The following FBXL18 variants were observed in gnomAD, a reference collection of about 807,000 sequenced individuals.
The protein encoded by FBXL18 is F-box and leucine rich repeat protein 18, also known as F-box/LRR-repeat protein 18.
Under a neutral mutation model 46.0 loss-of-function variants are expected in FBXL18, and 36 were observed. That is an observed-to-expected ratio of 0.78 (90% CI 0.60 to 1.03). The LOEUF is 1.03. Ranked by LOEUF, FBXL18 falls within the 50% of genes least tolerant of loss-of-function variation. The pLI is 0.00. For missense variants in FBXL18, 977 were observed against 1,004.1 expected (o/e 0.97, Z 0.36); for synonymous variants, 557 against 465.3 (o/e 1.20, Z -2.54).
chr7:5,479,789 G>A lies in FBXL18; in HGVS notation c.*1986C>T. The A allele has an allele frequency of 6.6e-6, 1 of 152,574 alleles. No individual in the cohort carries two copies. The highest frequency in any genetic ancestry group is 1.5e-5 in the Non-Finnish European group (1 of 68,246). The allele number at this position is 152,574 out of a possible 1,614,324, so 9.5% of individuals were successfully genotyped here. On this transcript the variant is annotated 3_prime_UTR_variant, in exon 5 of 5. Coordinates refer to ENST00000382368, the MANE Select transcript of FBXL18 (RefSeq NM_024963.6). The stretch of plus-strand genomic sequence containing the variant: ...ATCAGCCTGCAGAAGGGTCCCTCTG[G>A]CCAGGAGGCAAAGGTTCTGCACTGG...
At chr7:5,459,272 G>A (rs1030413061) in intron 4 of FBXL18, among the ~76,000 whole-genome samples, 1 of 152,132 alleles carries the variant, frequency 6.6e-6, no homozygotes, top group African/African-American at 2.4e-5. Flanking sequence ...CAGGGCCCTG[G>A]CCTTGGCTCA....
Position 5,482,502 on chromosome 7 carries a change from C to G in FBXL18, c.2001-571G>C, listed in dbSNP as rs577458594. 2.6e-3 allele frequency among the ~76,000 whole-genome samples: 394 copies of G among 151,296 alleles called. 3 individuals carry two copies. Among genetic ancestry groups the G allele is most frequent in the African/African-American group, 9.0e-3 (369 of 41,218 alleles). On this transcript the variant is annotated intron_variant, in intron 4 of 4. Transcript: ENST00000382368. ...CAAATGGCAGGTAGGCGACCCCCCC[C>G]CAATGCCCCCACCCCCAGGCGACCA...
chr7:5,471,526 TCGGCCTCC>T (rs1783427267), downstream of FBXL18, among the ~76,000 whole-genome samples: 1 of 152,152 alleles, frequency 6.6e-6, no homozygotes, highest in African/African-American at 2.4e-5. Context: ...TCCGCCTGCC[TCGGCCTCC>T]CAAAGTGCTG....
rs755702078 is a variant in FBXL18 at position 5,500,958 on chromosome 7, G to A, written c.1311C>T (p.Ala437=). The A allele has an allele frequency of 6.5e-7, 1 of 1,536,950 alleles. No homozygotes were observed. Among genetic ancestry groups the A allele is most frequent in the Non-Finnish European group, 8.7e-7 (1 of 1,147,026 alleles). ...DSAPRADRAP[A]QPAMHAVPRG... is the part of the protein sequence containing the mutation. Reference sequence around the variant, plus strand: ...GCGGCACTGCGTGCATGGCCGGCTGGGCGGGCGCGCGGTCGGCGCGCGGCG... The same window carrying A: ...GCGGCACTGCGTGCATGGCCGGCTGAGCGGGCGCGCGGTCGGCGCGCGGCG... Residue 437 remains alanine, a synonymous_variant, in exon 3 of 5, where the codon GCC becomes GCT. Coordinates refer to ENST00000382368, the MANE Select transcript of FBXL18 (RefSeq NM_024963.6).
At chr7:5,474,695 TTTA>T (rs1158066827), downstream of FBXL18, among the ~76,000 whole-genome samples, 1 of 144,514 alleles carries the variant, frequency 6.9e-6, no homozygotes, top group African/African-American at 2.5e-5. Context: ...TTTTTATTTA[TTTA>T]TTTATTTATT....
downstream of FBXL18, among the ~76,000 whole-genome samples, chr7:5,474,451 A>C (rs1217737400): frequency 1.3e-5 from 2 of 150,274 alleles, no homozygotes; most frequent in Admixed American, 6.7e-5. Context: ...AGCTGGGACC[A>C]CAGACAGGTG....
At chr7:5,500,074 T>TA (rs1194451523) in intron 3 of FBXL18, among the ~76,000 whole-genome samples, 4 of 118,268 alleles carry the variant, frequency 3.4e-5, no homozygotes, top group Non-Finnish European at 6.7e-5. Context: ...CAAAAATAAA[T>TA]AAATAAATAA....
chr7:5,507,136 G>A (rs1487945574), intron 1 of FBXL18, among the ~76,000 whole-genome samples: 2 of 152,140 alleles, frequency 1.3e-5, no homozygotes, highest in Non-Finnish European at 2.9e-5. Context: ...GTGTCTACAC[G>A]ACCCTCTGGC....
intron 4 of FBXL18, among the ~76,000 whole-genome samples, chr7:5,486,578 G>C (rs1444466672): frequency 6.6e-6 from 1 of 151,984 alleles, no homozygotes; most frequent in African/African-American, 2.4e-5. Flanking sequence ...ACTTGAGTCT[G>C]GGAGGTCAAG....
intron 1 of FBXL18, among the ~76,000 whole-genome samples, chr7:5,512,495 A>AC (rs1479254154): frequency 6.6e-6 from 1 of 151,936 alleles, no homozygotes; most frequent in Admixed American, 6.6e-5. Context: ...CACACGTGTA[A>AC]CCCCAGCTAC....
Position 5,500,576 on chromosome 7 carries a change from G to A in FBXL18, c.1693C>T (p.Leu565=). Residue 565 remains leucine (L), a synonymous_variant, in exon 3 of 5, where the codon CTG becomes TTG. Coordinates refer to ENST00000382368, the MANE Select transcript of FBXL18 (RefSeq NM_024963.6). The stretch of plus-strand genomic sequence containing the variant: ...TTCCCCATCATGCCCAGGTTGGCCA[G>A]CGACAGGGACCGCAACTGCTGGCAC... ...LQCQQLRSLS[L]ANLGMMGKVV... The A allele has an allele frequency of 6.2e-7, 1 of 1,613,586 alleles. No homozygotes were observed. The highest frequency in any genetic ancestry group is 1.1e-5 in the South Asian group (1 of 91,086).
At chr7:5,469,209 C>T (rs943435588) in intron 4 of FBXL18, among the ~76,000 whole-genome samples, 2 of 152,174 alleles carry the variant, frequency 1.3e-5, no homozygotes, top group East Asian at 1.9e-4. Context: ...GTCAGGAGTT[C>T]GAGACCAGAC....
intron 4 of FBXL18, among the ~76,000 whole-genome samples, chr7:5,462,969 A>AT (rs1554316051): frequency 3.8e-4 from 6 of 15,682 alleles, no homozygotes; most frequent in East Asian, 2.0e-3. Context: ...AAAAAAAAAA[A>AT]ATATATATAT....
chr7:5,495,686 G>A (rs762815646), intron 3 of FBXL18: 82 of 343,428 alleles, frequency 2.4e-4, no homozygotes, highest in Non-Finnish European at 3.8e-4. Flanking sequence ...TCGGAGCATC[G>A]TGCCAGCCTC....
chr7:5,493,690 T>C (rs1018070490), intron 3 of FBXL18, among the ~76,000 whole-genome samples: 30 of 150,944 alleles, frequency 2.0e-4, no homozygotes, highest in South Asian at 4.2e-4. Flanking sequence ...CGTGCGTGTG[T>C]GTGTGTGGAG....
At chr7:5,485,405 A>G (rs984776803) in intron 4 of FBXL18, among the ~76,000 whole-genome samples, 4 of 152,196 alleles carry the variant, frequency 2.6e-5, no homozygotes, top group Admixed American at 2.6e-4. Context: ...ATCCTCCTAT[A>G]GTTCCTCAAT....
intron 1 of FBXL18, among the ~76,000 whole-genome samples, chr7:5,506,384 G>A (rs1015087506): frequency 6.6e-6 from 1 of 151,866 alleles, no homozygotes; most frequent in African/African-American, 2.4e-5. Flanking sequence ...AAGTACGTGG[G>A]ATTACAGGCG....
At chr7:5,468,051 C>T (rs1489460210) in intron 4 of FBXL18, among the ~76,000 whole-genome samples, 3 of 150,930 alleles carry the variant, frequency 2.0e-5, no homozygotes, top group African/African-American at 7.3e-5. Flanking sequence ...GGCACGATCT[C>T]GGCTCACTGC....
chr7:5,472,148 C>G (rs562996035), downstream of FBXL18, among the ~76,000 whole-genome samples: 1 of 152,266 alleles, frequency 6.6e-6, no homozygotes, highest in African/African-American at 2.4e-5. Flanking sequence ...CAAGTTCCCC[C>G]AGACCTGGGC....
Sources: gnomAD v4.1 joint callset for allele counts (sites outside exome capture counted in the v4.1 genomes callset) on GRCh38, gnomAD v4.1.1 for gene constraint, MANE v1.5 for transcripts, NCBI Gene and HGNC (gene_info 2026-07-23, HGNC 2026-07-21) for gene names.